Variants in TBC1D21 observed in about 807,000 individuals in gnomAD.
The protein encoded by TBC1D21 is male germ cell Rab GTPase-activating protein.
A neutral mutation model predicts 46.0 loss-of-function variants in TBC1D21; 38 were observed. The ratio of observed to expected loss-of-function variants is 0.83; its 90% CI spans 0.64 to 1.08. The LOEUF is 1.08. TBC1D21 is among the 50% of genes least tolerant of loss of function. The pLI is 0.00. For synonymous variants in TBC1D21, 151 were observed against 157.2 expected, an observed-to-expected ratio of 0.96 and a Z score of 0.29; for missense variants, 415 against 417.9, an observed-to-expected ratio of 0.99 and a Z score of 0.06.
In TBC1D21 at chr15:73,881,672, C is replaced by T. The variant is rs534115621; in HGVS notation, c.197C>T (p.Ala66Val). The change falls in exon 3 of 11, where the codon GCC becomes GTC. Residue 66 changes from alanine (A) to valine (V), a missense_variant. Coordinates refer to ENST00000300504, the MANE Select transcript of TBC1D21 (RefSeq NM_153356.3). Reference sequence around the variant, plus strand: ...CTGCACCCCTTCGTGAGGACTGAAGCCTGGAAATTCCTCACGGGCTACTTC... The same window carrying T: ...CTGCACCCCTTCGTGAGGACTGAAGTCTGGAAATTCCTCACGGGCTACTTC... Reference protein sequence around the residue: ...RGLHPFVRTEAWKFLTGYFSW... With the variant: ...RGLHPFVRTEVWKFLTGYFSW... 10 of 1,613,874 alleles carry T rather than the reference C, an allele frequency of 6.2e-6. No individual in the cohort carries two copies. The African/African-American group carries it at 1.2e-4, about 19-fold the overall frequency.
chr15:73,881,298 G>A (rs1051852078), intron 1 of TBC1D21, 101 bp from the exon 2 acceptor site: 5 of 805,240 alleles, frequency 6.2e-6, no homozygotes, highest in East Asian at 2.5e-5. Context: ...CAGGCTGTGC[G>A]CTTTGATACA....
chr15:73,906,296 G>A, the TBC1D21 span, among the ~76,000 whole-genome samples: 9 of 152,216 alleles, frequency 5.9e-5, no homozygotes, highest in African/African-American at 2.2e-4. Flanking sequence ...AGTGGGAGAC[G>A]TATGTGGGAG....
intron 8 of TBC1D21, 59 bp downstream of exon 8, chr15:73,886,671 C>A (rs1464755447): frequency 9.9e-6 from 15 of 1,516,044 alleles, no homozygotes; most frequent in Non-Finnish European, 1.4e-5. Context: ...AGAGTGGAAG[C>A]TGCAAGTCTT....
chr15:73,898,878 AAAAT>A, the TBC1D21 span, among the ~76,000 whole-genome samples: 42 of 61,406 alleles, frequency 6.8e-4, no homozygotes, highest in African/African-American at 2.1e-3. Flanking sequence ...AAAAAAAAAA[AAAAT>A]ATATATATAT....
chr15:73,891,463 G>C (rs1204248336), downstream of TBC1D21, among the ~76,000 whole-genome samples: 1 of 152,186 alleles, frequency 6.6e-6, no homozygotes, highest in Non-Finnish European at 1.5e-5. Context: ...CATGCTCCAT[G>C]GAGCCAGTGG....
chr15:73,893,665 AC>A (rs1004080279), downstream of TBC1D21, among the ~76,000 whole-genome samples: 72 of 152,078 alleles, frequency 4.7e-4, no homozygotes, highest in Non-Finnish European at 9.4e-4. Context: ...GGTCTGTGTT[AC>A]CCCCCTCAGA....
At chr15:73,887,497 C>G in intron 8 of TBC1D21, 123 bp from the exon 9 acceptor site, 2 of 754,046 alleles carry the variant, frequency 2.7e-6, no homozygotes, top group Admixed American at 4.1e-5. Flanking sequence ...ATTGAATGAG[C>G]AAGTCAGCAG....
intron 9 of TBC1D21, 80 bp downstream of exon 9, chr15:73,887,816 G>T (rs1051561690): frequency 2.5e-6 from 3 of 1,213,668 alleles, no homozygotes; most frequent in Non-Finnish European, 2.4e-6. Context: ...GAAAGACCGG[G>T]GTTCATGGGG....
the TBC1D21 span, among the ~76,000 whole-genome samples, chr15:73,898,880 A>AAAAAAAAAAAAAAATATATAT: frequency 1.8e-5 from 1 of 56,802 alleles, no homozygotes; most frequent in East Asian, 3.6e-4. Flanking sequence ...AAAAAAAAAA[A>AAAAAAAAAAAAAAATATATAT]ATATATATAT....
chr15:73,907,485 C>T, the TBC1D21 span, among the ~76,000 whole-genome samples: 1 of 152,212 alleles, frequency 6.6e-6, no homozygotes, highest in Non-Finnish European at 1.5e-5. Context: ...TGATCCTCTG[C>T]TGGCTCAATT....
At chr15:73,878,498 A>G (rs1298825974) in intron 1 of TBC1D21, among the ~76,000 whole-genome samples, 1 of 152,246 alleles carries the variant, frequency 6.6e-6, no homozygotes, top group African/African-American at 2.4e-5. Flanking sequence ...AGAAATTTAA[A>G]TTTTAAAATG....
At chr15:73,898,863 CAAA>C in the TBC1D21 span, among the ~76,000 whole-genome samples, 39 of 24,108 alleles carry the variant, frequency 1.6e-3, 1 homozygote, top group Middle Eastern at 0.083. Flanking sequence ...GACTCCATCT[CAAA>C]AAAAAAAAAA....
the TBC1D21 span, among the ~76,000 whole-genome samples, chr15:73,899,392 A>T: frequency 6.6e-6 from 1 of 152,182 alleles, no homozygotes; most frequent in African/African-American, 2.4e-5. Flanking sequence ...CCTCAAATCC[A>T]GTCCTCCGGG....
chr15:73,876,248 G>T (rs2068065607), intron 1 of TBC1D21, among the ~76,000 whole-genome samples: 3 of 39,060 alleles, frequency 7.7e-5, no homozygotes, highest in East Asian at 1.5e-3. Context: ...TTTTTTTTGA[G>T]ACGGAGTCTT....
intron 1 of TBC1D21, among the ~76,000 whole-genome samples, chr15:73,876,635 G>C (rs1338255004): frequency 6.6e-6 from 1 of 152,050 alleles, no homozygotes; most frequent in Non-Finnish European, 1.5e-5. Flanking sequence ...CAAATTCTCT[G>C]AATACTCAAC....
At chr15:73,885,386 G>A (rs1173855304) in intron 6 of TBC1D21, among the ~76,000 whole-genome samples, 2 of 152,122 alleles carry the variant, frequency 1.3e-5, no homozygotes, top group Non-Finnish European at 2.9e-5. Flanking sequence ...CCCTCTCCTG[G>A]CATTTTCTTC....
chr15:73,894,694 C>T, the TBC1D21 span, among the ~76,000 whole-genome samples: 1 of 152,122 alleles, frequency 6.6e-6, no homozygotes, highest in Non-Finnish European at 1.5e-5. Context: ...CTCTGGGAGA[C>T]AGGGTGGAGG....
intron 9 of TBC1D21, among the ~76,000 whole-genome samples, 166 bp from the exon 10 acceptor site, chr15:73,888,264 T>C (rs60856646): frequency 0.12 from 18,663 of 152,112 alleles, 2,739 homozygotes; most frequent in African/African-American, 0.34. Context: ...AATATCAAAT[T>C]TTAGGCATTG....
At position 73,883,705 on chromosome 15, in the gene TBC1D21, C is replaced by T. The variant is rs548584444; in HGVS notation, c.273-446C>T. Among the ~76,000 whole-genome samples, 108 of 152,306 alleles carry T rather than the reference C, an allele frequency of 7.1e-4. 1 individual carries two copies. Among genetic ancestry groups the T allele is most frequent in the Middle Eastern group, 6.8e-3 (2 of 294 alleles). Reference sequence around the variant, plus strand: ...ATATGTCTTTTTGGAGGCCACCATGCGGCCAGCAATACCAACTAATCATAT... The same window carrying T: ...ATATGTCTTTTTGGAGGCCACCATGTGGCCAGCAATACCAACTAATCATAT... On this transcript the variant is annotated intron_variant, in intron 3 of 10. Coordinates refer to ENST00000300504, the MANE Select transcript of TBC1D21 (RefSeq NM_153356.3).
Sources: gnomAD v4.1 joint callset for allele counts (sites outside exome capture counted in the v4.1 genomes callset) on GRCh38, gnomAD v4.1.1 for gene constraint, MANE v1.5 for transcripts, NCBI Gene and HGNC (gene_info 2026-07-23, HGNC 2026-07-21) for gene names.